Variants in ACLY observed in about 807,000 individuals in gnomAD.
ACLY encodes ATP-citrate synthase.
Under a neutral mutation model 133.0 loss-of-function variants are expected in ACLY, and 41 were observed. That is an observed-to-expected ratio of 0.31 (90% confidence interval 0.24 to 0.40). ACLY has a LOEUF of 0.40. ACLY is among the 10% of genes least tolerant of loss of function. ACLY has a pLI of 1.00. For missense variants in ACLY, 1,046 were observed against 1,453.8 expected, an observed-to-expected ratio of 0.72 and a Z score of 4.56; for synonymous variants, 495 against 549.3, an observed-to-expected ratio of 0.90 and a Z score of 1.38.
intron 1 of ACLY, among the ~76,000 whole-genome samples, chr17:41,917,133 T>TC (rs2050072279): frequency 1.4e-5 from 1 of 72,880 alleles, no homozygotes; most frequent in Non-Finnish European, 2.6e-5. Flanking sequence ...AGACTCTGTC[T>TC]CAAAAAAAAA....
chr17:41,907,622 A>G (rs1555632922), intron 6 of ACLY, 50 bp from the exon 7 acceptor site: 1 of 1,597,748 alleles, frequency 6.3e-7, no homozygotes, highest in South Asian at 1.1e-5. Flanking sequence ...GGGTAGAGAC[A>G]ACCACCAACC....
At chr17:41,902,414 A>G (rs933527894) in intron 10 of ACLY, among the ~76,000 whole-genome samples, 1 of 152,204 alleles carries the variant, frequency 6.6e-6, no homozygotes, top group Non-Finnish European at 1.5e-5. Flanking sequence ...AGGCTTCACC[A>G]TATTGGTTAG....
At chr17:41,893,923 T>C (rs976704604) in intron 14 of ACLY, among the ~76,000 whole-genome samples, 1 of 152,080 alleles carries the variant, frequency 6.6e-6, no homozygotes, top group Admixed American at 6.5e-5. Flanking sequence ...ACTTAAGAGG[T>C]AAGGCGCAGG....
In ACLY at chr17:41,913,791, C is replaced by T. The variant is rs1555634051; in HGVS notation, c.83G>A (p.Arg28Gln). Residue 28 changes from arginine to glutamine, a missense_variant, in exon 2 of 29, where the codon CGG becomes CAG. Coordinates refer to ENST00000352035, the MANE Select transcript of ACLY (RefSeq NM_001096.3). ...FICTTSAIQN[R>Q]FKYARVTPDT... The stretch of plus-strand genomic sequence containing the variant: ...AGGAGTGACCCGAGCATACTTGAAC[C>T]GATTCTGGATGGCTGAGGTGGTACA... 3 of 1,614,206 alleles carry T rather than the reference C, an allele frequency of 1.9e-6. No homozygotes were observed. Among genetic ancestry groups the T allele is most frequent in the East Asian group, 2.2e-5 (1 of 44,884 alleles).
chr17:41,910,327 G>A (rs782477821), intron 3 of ACLY, 43 bp from the exon 4 acceptor site: 19 of 1,576,540 alleles, frequency 1.2e-5, no homozygotes, highest in African/African-American at 5.4e-5. Flanking sequence ...GGGACAGCAC[G>A]TCTTGCCCCT....
intron 11 of ACLY, among the ~76,000 whole-genome samples, chr17:41,900,633 G>A (rs2049511935): frequency 6.6e-6 from 1 of 151,974 alleles, no homozygotes; most frequent in East Asian, 1.9e-4. Flanking sequence ...GCTGAGGAGG[G>A]AGGATCACTT....
rs1197492647 is a variant in ACLY, at chr17:41,926,091, T to C, written c.-28+4267A>G. Among the ~76,000 whole-genome samples, 48 of 152,126 alleles carry C rather than the reference T, an allele frequency of 3.2e-4. 3 individuals carry two copies. Among genetic ancestry groups the C allele is most frequent in the Non-Finnish European group, 1.5e-5 (1 of 68,008 alleles). ...AACTCCCGACTCGAGGTGATCTGCC[T>C]GCCTTGGCCTCCGAAAGTGCTGGGA... On this transcript the variant is annotated intron_variant, in intron 1 of 3. Coordinates refer to the ACLY transcript ENST00000592970.
Position 41,892,362 on chromosome 17 carries a change from G to C in ACLY, c.1687C>G (p.His563Asp). 6.2e-7 allele frequency: 1 copy of C among 1,612,938 alleles called. No homozygotes were observed. Among genetic ancestry groups the C allele is most frequent in the East Asian group, 2.2e-5 (1 of 44,750 alleles). ...TTGATGAGCACATCTACCTCCGGAT[G>C]CTTCCTCATGGCATCAGCCATGTTC... ...FKNMADAMRK[H>D]PEVDVLINFA... is the part of the protein sequence containing the mutation. Residue 563 changes from histidine to aspartate, a missense_variant, in exon 16 of 29, where the codon CAT becomes GAT. Coordinates refer to ENST00000352035, the MANE Select transcript of ACLY (RefSeq NM_001096.3).
Position 41,910,280 on chromosome 17 carries a change from C to A in ACLY, c.287G>T (p.Gly96Val), listed in dbSNP as rs1288091419. The change falls in exon 4 of 29, where the codon GGC becomes GTC. Residue 96 changes from glycine to valine, a missense_variant. Coordinates refer to ENST00000352035, the MANE Select transcript of ACLY (RefSeq NM_001096.3). Reference protein sequence around the residue: ...KPRLGQEATVGKATGFLKNFL... With the variant: ...KPRLGQEATVVKATGFLKNFL... ...GTTCTTGAGGAAGCCTGTGGCCTTG[C>A]CAACCTACAGAAAAATTGAGGGAGA... 6.2e-7 allele frequency: 1 copy of A among 1,613,276 alleles called. No individual in the cohort carries two copies. Among genetic ancestry groups the A allele is most frequent in the African/African-American group, 1.3e-5 (1 of 74,918 alleles).
At chr17:41,907,690 T>G in intron 6 of ACLY, 118 bp from the exon 7 acceptor site, 7 of 1,147,942 alleles carry the variant, frequency 6.1e-6, no homozygotes, top group Non-Finnish European at 8.6e-6. Flanking sequence ...CAGAACTCTC[T>G]AAGCTCAGTA....
At chr17:41,908,273 G>A (rs1298028311) in intron 6 of ACLY, among the ~76,000 whole-genome samples, 1 of 152,212 alleles carries the variant, frequency 6.6e-6, no homozygotes, top group Non-Finnish European at 1.5e-5. Context: ...CACAGCCCAA[G>A]AGACTGAGAC....
intron 14 of ACLY, among the ~76,000 whole-genome samples, chr17:41,895,096 C>T (rs564882003): frequency 3.9e-5 from 6 of 152,306 alleles, no homozygotes; most frequent in African/African-American, 1.4e-4. Flanking sequence ...TCCCACTTCC[C>T]AGTCCTAGGA....
intron 16 of ACLY, among the ~76,000 whole-genome samples, chr17:41,889,625 C>T (rs1297869058): frequency 5.6e-5 from 8 of 143,508 alleles, no homozygotes; most frequent in Non-Finnish European, 1.1e-4. Flanking sequence ...TTATATTCTC[C>T]AGTCATAAAC....
intron 25 of ACLY, among the ~76,000 whole-genome samples, chr17:41,869,851 G>A (rs1357143324): frequency 2.6e-5 from 4 of 152,158 alleles, no homozygotes; most frequent in Admixed American, 1.3e-4. Flanking sequence ...GCCCTGAGAT[G>A]TTCAGGGAAC....
At chr17:41,877,529 C>T (rs1567887302) in intron 22 of ACLY, among the ~76,000 whole-genome samples, 3 of 151,146 alleles carry the variant, frequency 2.0e-5, no homozygotes, top group Admixed American at 1.3e-4. Flanking sequence ...TGGCTAACTT[C>T]AGCCTTCAAC....
Position 41,883,137 on chromosome 17 carries a change from G to A in ACLY, c.2250C>T (p.Thr750=). The change falls in exon 20 of 29, where the codon ACC becomes ACT. Residue 750 remains threonine (T), a synonymous_variant. Coordinates refer to ENST00000352035, the MANE Select transcript of ACLY (RefSeq NM_001096.3). ...TCAGCCATACCTCAGAGGAGAACAT[G>A]GTGGCACACGTCCCGATGCACCAGC... ...IVCWCIGTCA[T]MFSSEVQFGH... is the part of the protein sequence containing the mutation. The A allele has an allele frequency of 6.2e-7, 1 of 1,613,898 alleles. No individual in the cohort carries two copies. Among genetic ancestry groups the A allele is most frequent in the Non-Finnish European group, 8.5e-7 (1 of 1,179,962 alleles).
Position 41,909,589 on chromosome 17 carries a change from G to A in ACLY, c.457C>T (p.Leu153Phe), listed in dbSNP as rs537587579. The A allele has an allele frequency of 4.3e-6, 7 of 1,614,180 alleles. No homozygotes were observed. The highest frequency in any genetic ancestry group is 2.2e-5 in the East Asian group (1 of 44,886). ...GDVDAKAQKL[L>F]VGVDEKLNPE... Reference sequence around the variant, plus strand: ...TTCAGTTTCTCATCCACGCCAACAAGCAGCTTCTGGGCCTTGGCGTCCACA... The same window carrying A: ...TTCAGTTTCTCATCCACGCCAACAAACAGCTTCTGGGCCTTGGCGTCCACA... Residue 153 changes from leucine to phenylalanine, a missense_variant, in exon 5 of 29, where the codon CTT becomes TTT. By Grantham distance (22) the Leu-to-Phe change is conservative. Transcript: ENST00000352035.
chr17:41,896,518 A>T lies in ACLY; in HGVS notation c.1459+102T>A, dbSNP rs1555630393. On this transcript the variant is annotated intron_variant, in intron 14 of 28. Transcript: ENST00000352035. ...GCAGGGACAGAAAATAGACCAGACG[A>T]CACTGCAACCCACCAGGGGAGGGGG... is the stretch of plus-strand genomic sequence containing the variant. 6.4e-6 allele frequency: 7 copies of T among 1,094,490 alleles called. No individual in the cohort carries two copies. In the African/African-American group the frequency reaches 1.1e-4, roughly 17 times the overall value. The allele number at this position is 1,094,490 out of a possible 1,614,324, so 67.8% of individuals were successfully genotyped here.
chr17:41,913,814 A>C lies in ACLY; in HGVS notation c.60T>G (p.Cys20Trp). Residue 20 changes from cysteine to tryptophan, a missense_variant, in exon 2 of 29, where the codon TGT becomes TGG. Cys to Trp is a radical substitution (Grantham distance 215, BLOSUM62 -2). Coordinates refer to ENST00000352035, the MANE Select transcript of ACLY (RefSeq NM_001096.3). The part of the protein sequence containing the change: ...TGKELLYKFI[C>W]TTSAIQNRFK... ...ACCGATTCTGGATGGCTGAGGTGGT[A>C]CAGATGAACTTGTAAAGGAGTTCTT... The C allele has an allele frequency of 6.2e-7, 1 of 1,614,252 alleles. No individual in the cohort carries two copies. The highest frequency in any genetic ancestry group is 8.5e-7 in the Non-Finnish European group (1 of 1,180,040).
Sources: gnomAD v4.1 joint callset for allele counts (sites outside exome capture counted in the v4.1 genomes callset) on GRCh38, gnomAD v4.1.1 for gene constraint, MANE v1.5 for transcripts, NCBI Gene and HGNC (gene_info 2026-07-23, HGNC 2026-07-21) for gene names.